Variants in SNX29 observed in about 807,000 individuals in gnomAD.
SNX29 encodes sorting nexin-29.
SNX29 carries 78 observed loss-of-function variants against 102.1 expected under a neutral mutation model. The ratio of observed to expected loss-of-function variants is 0.76; its 90% confidence interval spans 0.64 to 0.92. The LOEUF is 0.92. Ranked by LOEUF, SNX29 falls within the 40% of genes least tolerant of loss-of-function variation. The pLI is 0.00. For missense variants in SNX29, 1,280 were observed against 1,061.7 expected (o/e 1.21, Z -2.86); for synonymous variants, 580 against 414.5 (o/e 1.40, Z -4.85).
At chr16:12,013,500 AATATATATATATATATAT>A (rs66491414) in intron 3 of SNX29, among the ~76,000 whole-genome samples, 19 of 31,630 alleles carry the variant, frequency 6.0e-4, no homozygotes, top group Middle Eastern at 0.019. Flanking sequence ...AAAAAAAAAA[AATATATATATATATATAT>A]ATATATATAT....
chr16:12,522,232 A>G (rs1328607386), intron 19 of SNX29, among the ~76,000 whole-genome samples: 2 of 152,212 alleles, frequency 1.3e-5, no homozygotes, highest in Non-Finnish European at 2.9e-5. Context: ...GTTGTATAGA[A>G]CATACTTTTT....
At chr16:12,093,121 TTC>T (rs2052626702) in intron 11 of SNX29, among the ~76,000 whole-genome samples, 1 of 152,218 alleles carries the variant, frequency 6.6e-6, no homozygotes, top group South Asian at 2.1e-4. Flanking sequence ...CAGGTTTTAA[TTC>T]TGAGTGGCCA....
intron 19 of SNX29, among the ~76,000 whole-genome samples, chr16:12,491,721 T>G (rs564207158): frequency 1.3e-5 from 2 of 151,762 alleles, no homozygotes; most frequent in African/African-American, 4.8e-5. Context: ...GATGTTCCCC[T>G]TCCTGTGTCC....
chr16:12,175,257 C>A (rs958246910), intron 13 of SNX29, among the ~76,000 whole-genome samples: 1 of 152,006 alleles, frequency 6.6e-6, no homozygotes, highest in African/African-American at 2.4e-5. Flanking sequence ...GTCCGCCTAC[C>A]CCCCGAATAT....
chr16:12,426,953 C>G (rs945019028), intron 18 of SNX29, among the ~76,000 whole-genome samples: 5 of 152,178 alleles, frequency 3.3e-5, no homozygotes, highest in Non-Finnish European at 7.3e-5. Context: ...GGGCCCGAGC[C>G]ACCATGCCTG....
intron 13 of SNX29, among the ~76,000 whole-genome samples, chr16:12,146,403 TTA>T (rs1261824971): frequency 6.6e-6 from 1 of 152,118 alleles, no homozygotes; most frequent in East Asian, 1.9e-4. Flanking sequence ...GTAGCTGGGA[TTA>T]TAGGCACGCA....
At chr16:12,555,771 C>G (rs1009122917) in intron 20 of SNX29, among the ~76,000 whole-genome samples, 5 of 152,080 alleles carry the variant, frequency 3.3e-5, no homozygotes, top group Non-Finnish European at 7.3e-5. Context: ...CTTCAGGCTG[C>G]TCAGTGGCAC....
intron 19 of SNX29, among the ~76,000 whole-genome samples, chr16:12,521,112 G>T (rs978541205): frequency 6.6e-6 from 1 of 152,094 alleles, no homozygotes; most frequent in South Asian, 2.1e-4. Context: ...CCTGGGAGGC[G>T]GAGGTTGCAG....
chr16:12,408,591 C>T (rs1043519692), intron 18 of SNX29, among the ~76,000 whole-genome samples: 4 of 152,156 alleles, frequency 2.6e-5, no homozygotes, highest in Admixed American at 1.3e-4. Flanking sequence ...GAAGCCAAGG[C>T]GGGTGGATCA....
chr16:12,406,753 C>A (rs552862952), intron 18 of SNX29, among the ~76,000 whole-genome samples: 6 of 152,230 alleles, frequency 3.9e-5, no homozygotes, highest in African/African-American at 1.4e-4. Flanking sequence ...ACTAAAAATA[C>A]AAAAATTAGC....
intron 13 of SNX29, among the ~76,000 whole-genome samples, chr16:12,147,451 T>C (rs1406407439): frequency 3.3e-5 from 5 of 152,214 alleles, no homozygotes; most frequent in Non-Finnish European, 7.3e-5. Context: ...GCTTCATTTC[T>C]TGTCTTTTCT....
intron 11 of SNX29, among the ~76,000 whole-genome samples, chr16:12,089,172 GAAAA>G (rs773133332): frequency 6.6e-5 from 10 of 150,384 alleles, no homozygotes; most frequent in Non-Finnish European, 1.2e-4. Flanking sequence ...AAGAAAGAAA[GAAAA>G]AGTGTGTGGT....
At chr16:12,207,952 A>G (rs551976653) in intron 14 of SNX29, among the ~76,000 whole-genome samples, 2 of 152,242 alleles carry the variant, frequency 1.3e-5, no homozygotes, top group South Asian at 2.1e-4. Flanking sequence ...TTATTAATCA[A>G]GTACACAACA....
intron 14 of SNX29, among the ~76,000 whole-genome samples, chr16:12,248,372 C>G (rs527574832): frequency 5.9e-5 from 9 of 151,568 alleles, no homozygotes; most frequent in Non-Finnish European, 1.0e-4. Context: ...GGCTCTCTTC[C>G]TCTCCCCATC....
intron 16 of SNX29, among the ~76,000 whole-genome samples, chr16:12,377,527 C>A: frequency 6.6e-6 from 1 of 152,264 alleles, no homozygotes; most frequent in East Asian, 1.9e-4. Flanking sequence ...CTCCCAGGCT[C>A]CTGGAAAGAG....
chr16:12,199,779 A>G, intron 14 of SNX29, 96 bp downstream of exon 14: 4 of 1,003,418 alleles, frequency 4.0e-6, no homozygotes, highest in Non-Finnish European at 6.1e-6. Context: ...TGACGAGTGC[A>G]TATGTGGATG....
intron 14 of SNX29, among the ~76,000 whole-genome samples, chr16:12,212,244 A>G (rs1258294087): frequency 6.6e-6 from 1 of 152,112 alleles, no homozygotes; most frequent in African/African-American, 2.4e-5. Flanking sequence ...CTGAAAACTG[A>G]TTGTGTGCCA....
At chr16:12,087,502 CAGG>C (rs1351451668) in intron 11 of SNX29, 3 of 247,172 alleles carry the variant, frequency 1.2e-5, no homozygotes, top group Non-Finnish European at 2.4e-5. Flanking sequence ...GAGAATGAGG[CAGG>C]AGGATTGCTT....
At chr16:12,525,731 C>A (rs143395746) in intron 20 of SNX29, among the ~76,000 whole-genome samples, 1 of 130,266 alleles carries the variant, frequency 7.7e-6, no homozygotes, top group Non-Finnish European at 1.6e-5. Context: ...AAAATCATTA[C>A]ACTTCAAAAT....
Sources: allele counts gnomAD v4.1 joint callset (sites outside exome capture counted in the v4.1 genomes callset), GRCh38; gene constraint gnomAD v4.1.1; transcripts MANE v1.5; gene names NCBI Gene and HGNC (gene_info 2026-07-23, HGNC 2026-07-21).